EPHB6: variants seen among roughly 807,000 people sequenced by gnomAD.
EPHB6 encodes EPH receptor B6.
EPHB6 carries 51 observed loss-of-function variants against 107.0 expected under a neutral mutation model. That is an observed-to-expected ratio of 0.48 (90% CI 0.38 to 0.60). The LOEUF is 0.60. Ranked by LOEUF, EPHB6 falls within the 20% of genes least tolerant of loss-of-function variation. The probability of loss-of-function intolerance (pLI) is 0.00; values close to 1 mark genes in which losing one functional copy is unlikely to be tolerated. For synonymous variants in EPHB6, 553 were observed against 549.0 expected (o/e 1.01, Z -0.10); for missense variants, 1,141 against 1,355.5 (o/e 0.84, Z 2.48).
rs1794656516 is a variant in EPHB6 at position 142,867,370 on chromosome 7, C to G, written c.1751-238C>G. ...GGGCGTGTGTGTGTGTTGTGTGTCC[C>G]TGTGTGTGGATGTGGAGGGCTGTGG... On this transcript the variant is annotated intron_variant, in intron 11 of 19. Transcript: ENST00000652003. The surrounding 1 kb of genome is among the most constrained non-coding windows in gnomAD (Gnocchi z 5.3). 2.8e-5 allele frequency: 18 copies of G among 635,122 alleles called. No homozygotes were observed. The South Asian group carries it at 3.2e-4, about 11-fold the overall frequency. The allele number at this position is 635,122 out of a possible 1,614,324, so 39.3% of individuals were successfully genotyped here. A position where few individuals can be genotyped will look rare whatever the true frequency, so the allele number is the denominator to read the frequency against.
intron 6 of EPHB6, 94 bp downstream of exon 6, chr7:142,863,789 G>T: frequency 2.6e-6 from 4 of 1,515,940 alleles, no homozygotes; most frequent in Non-Finnish European, 3.7e-6. Context: ...CCTGGGTGAG[G>T]ATTATGGGAA....
rs2116447471 is a variant in EPHB6, at chr7:142,866,378, A to C, written c.1462+62A>C. ...TCCGCTCCTTTGAGCCCCCTTCCCT[A>C]CTCCTGATCTCCAGCCTGGTCCACC... On this transcript the variant is annotated intron_variant, in intron 9 of 19. Transcript: ENST00000652003. The surrounding 1 kb of genome is among the most constrained non-coding windows in gnomAD (Gnocchi z 5.2). The C allele has an allele frequency of 6.2e-7, 1 of 1,609,506 alleles. No homozygotes were observed.
chr7:142,861,279 A>G (rs896540206), intron 2 of EPHB6, 93 bp downstream of exon 2: 3 of 152,232 alleles, frequency 2.0e-5, no homozygotes, highest in Admixed American at 6.5e-5. Flanking sequence ...CTTACTACAT[A>G]GTTCTGAGAA....
rs2116418143 is a variant in EPHB6 at position 142,864,217 on chromosome 7, C to T, written c.417C>T (p.Asp139=). 1.9e-6 allele frequency: 3 copies of T among 1,613,910 alleles called. No individual in the cohort carries two copies. The highest frequency in any genetic ancestry group is 2.5e-6 in the Non-Finnish European group (3 of 1,180,042). ...TLYYRQAEEP[D]SPDSVSSWHL... is the part of the protein sequence containing the mutation. ...ACTACCGTCAGGCTGAGGAGCCCGA[C>T]AGCCCTGACAGCGTTTCCTCCTGGC... Residue 139 remains aspartate, a synonymous_variant, in exon 7 of 20, where the codon GAC becomes GAT. Transcript: ENST00000652003.
chr7:142,868,213 G>A lies in EPHB6; in HGVS notation c.1919-28G>A, dbSNP rs778003006. On this transcript the variant is annotated intron_variant, in intron 13 of 19. Coordinates refer to ENST00000652003, the MANE Select transcript of EPHB6 (RefSeq NM_004445.6). The surrounding 1 kb of genome is among the most constrained non-coding windows in gnomAD (Gnocchi z 4.2). Reference sequence around the variant, plus strand: ...CGGGCAGCCCTGCCTTTCACAACACGCTCATAACATACTCCACACCCCTCC... The same window carrying A: ...CGGGCAGCCCTGCCTTTCACAACACACTCATAACATACTCCACACCCCTCC... 7 of 1,614,064 alleles carry A rather than the reference G, an allele frequency of 4.3e-6. No individual in the cohort carries two copies. Among genetic ancestry groups the A allele is most frequent in the South Asian group, 2.2e-5 (2 of 91,076 alleles).
rs1794835972 is a variant in EPHB6, at chr7:142,870,234, G to C, written c.2631G>C (p.Gln877His). Residue 877 changes from glutamine to histidine, a missense_variant, in exon 18 of 20, where the codon CAG (glutamine) becomes CAC (histidine). Physicochemically the swap from Gln to His is conservative, Grantham distance 24 (BLOSUM62 0). Transcript: ENST00000652003. ...SEQEVLNAIE[Q>H]EFRLPPPPGC... ...CCCAGGTACTAAATGCAATAGAGCAGGAGTTCCGGCTGCCCCCGCCTCCAG... is the reference window on the plus strand; with the variant it reads ...CCCAGGTACTAAATGCAATAGAGCACGAGTTCCGGCTGCCCCCGCCTCCAG... The C allele has an allele frequency of 1.9e-6, 3 of 1,614,206 alleles. No homozygotes were observed. The highest frequency in any genetic ancestry group is 2.5e-6 in the Non-Finnish European group (3 of 1,180,050).
chr7:142,858,095 T>C (rs1193867881), intron 1 of EPHB6, among the ~76,000 whole-genome samples: 1 of 152,218 alleles, frequency 6.6e-6, no homozygotes, highest in Non-Finnish European at 1.5e-5. Flanking sequence ...TTTACGTTAA[T>C]TATAAAAATA....
In EPHB6 at chr7:142,866,345, C is replaced by A. The variant is rs755496941; in HGVS notation, c.1462+29C>A. 1.2e-6 allele frequency: 2 copies of A among 1,612,818 alleles called. No individual in the cohort carries two copies. ...AGCTCTTTTCCTTGGCCTTCAGGAT[C>A]CCCTGCCTCCGCTCCTTTGAGCCCC... On this transcript the variant is annotated intron_variant, in intron 9 of 19. Transcript: ENST00000652003. The surrounding 1 kb of genome is among the most constrained non-coding windows in gnomAD (Gnocchi z 5.2).
rs998829141 is a variant in EPHB6 at position 142,857,614 on chromosome 7, G to A, written c.-432+2229G>A. Reference sequence around the variant, plus strand: ...CACACCAGACATAAAACCTCGAACCGCTTTGCCCTTGGGACTGTTCTGTCC... The same window carrying A: ...CACACCAGACATAAAACCTCGAACCACTTTGCCCTTGGGACTGTTCTGTCC... On this transcript the variant is annotated intron_variant, in intron 1 of 19. Transcript: ENST00000652003. Among the ~76,000 whole-genome samples the A allele has an allele frequency of 3.9e-5, 6 of 152,278 alleles. No homozygotes were observed. The South Asian group carries it at 8.3e-4, about 21-fold the overall frequency.
rs1371458887 is a variant in EPHB6, at chr7:142,867,592, T to A, written c.1751-16T>A. On this transcript the variant is annotated splice_polypyrimidine_tract_variant and intron_variant, in intron 11 of 19. Coordinates refer to ENST00000652003, the MANE Select transcript of EPHB6 (RefSeq NM_004445.6). The surrounding 1 kb of genome is among the most constrained non-coding windows in gnomAD (Gnocchi z 5.3). ...GAGACCTGGCCCACCTGTGACCCTG[T>A]CGGCTGGTCCCCCAGGGGAGCTGTC... 2 of 1,602,918 alleles carry A rather than the reference T, an allele frequency of 1.2e-6. No homozygotes were observed. The highest frequency in any genetic ancestry group is 2.7e-5 in the African/African-American group (2 of 74,772).
intron 1 of EPHB6, among the ~76,000 whole-genome samples, chr7:142,860,258 GA>G: frequency 6.6e-6 from 1 of 152,316 alleles, no homozygotes; most frequent in South Asian, 2.1e-4. Flanking sequence ...CTGAGTGAAA[GA>G]AAGAGACTAT....
At chr7:142,865,894 C>T in intron 8 of EPHB6, 66 bp from the exon 9 acceptor site, 1 of 1,537,488 alleles carries the variant, frequency 6.5e-7, no homozygotes, top group South Asian at 1.1e-5. Flanking sequence ...CTGGCTCCTT[C>T]CTTCCTCAAT....
rs1802817792 is a variant in EPHB6, at chr7:142,861,032, T to A, written c.-431-20T>A. Reference sequence around the variant, plus strand: ...TCTTTTGAGCAATCTGGGCAACATGTCTCTTTTTTTTCTTCACAGAAATAA... The same window carrying A: ...TCTTTTGAGCAATCTGGGCAACATGACTCTTTTTTTTCTTCACAGAAATAA... On this transcript the variant is annotated intron_variant, in intron 1 of 19. Transcript: ENST00000652003. 1 of 152,124 alleles carries A rather than the reference T, an allele frequency of 6.6e-6. No homozygotes were observed. Among genetic ancestry groups the A allele is most frequent in the Non-Finnish European group, 1.5e-5 (1 of 68,032 alleles). The allele number at this position is 152,124 out of a possible 1,614,324, so 9.4% of individuals were successfully genotyped here.
chr7:142,865,061 C>T lies in EPHB6; in HGVS notation c.949+312C>T, dbSNP rs564931519. Among the ~76,000 whole-genome samples the T allele has an allele frequency of 1.6e-4, 24 of 152,276 alleles. 1 individual carries two copies. The Middle Eastern group carries it at 0.014, about 87-fold the overall frequency. On this transcript the variant is annotated intron_variant, in intron 7 of 19. Coordinates refer to ENST00000652003, the MANE Select transcript of EPHB6 (RefSeq NM_004445.6). ...CTCCAGGGTTACTATGGAATAGAGT[C>T]CTTTGGTTCCCATTCGCCCTTCTGT...
rs1490947511 is a variant in EPHB6, at chr7:142,863,246, G to T, written c.19G>T (p.Ala7Ser). Residue 7 changes from alanine (A) to serine (S), a missense_variant, in exon 5 of 20, where the codon GCC becomes TCC. Physicochemically the swap from Ala to Ser is moderately conservative, Grantham distance 99 (BLOSUM62 1). Around this residue, in one of 3 missense-constraint regions of EPHB6, gnomAD observed 221 missense variants for 300.5 expected, o/e 0.74. Coordinates refer to ENST00000652003, the MANE Select transcript of EPHB6 (RefSeq NM_004445.6). ...ATGTCCCATGGCTACTGAAGGGGCT[G>T]CCCAGTTAGGGAACAGAGTGGCGGG... MATEGA[A>S]QLGNRVAGMV... 1.2e-6 allele frequency: 2 copies of T among 1,614,066 alleles called. No homozygotes were observed. The highest frequency in any genetic ancestry group is 1.7e-6 in the Non-Finnish European group (2 of 1,179,990).
At chr7:142,857,419 C>T (rs1802655013) in intron 1 of EPHB6, among the ~76,000 whole-genome samples, 1 of 152,316 alleles carries the variant, frequency 6.6e-6, no homozygotes, top group East Asian at 1.9e-4. Flanking sequence ...AAGAGATCTC[C>T]AAGGTGGAGA....
chr7:142,865,779 C>G (rs1000023271), intron 8 of EPHB6, 149 bp downstream of exon 8: 17 of 1,202,496 alleles, frequency 1.4e-5, no homozygotes, highest in South Asian at 2.7e-5. Flanking sequence ...GTCCCCACCC[C>G]CTTCTCTCCC....
At position 142,864,473 on chromosome 7, in the gene EPHB6, G is replaced by A. The variant is rs751382944; in HGVS notation, c.673G>A (p.Ala225Thr). The A allele has an allele frequency of 8.7e-6, 14 of 1,612,930 alleles. No homozygotes were observed. In the African/African-American group the frequency reaches 9.3e-5, roughly 11 times the overall value. Residue 225 changes from alanine (A) to threonine (T), a missense_variant, in exon 7 of 20, where the codon GCT (alanine) becomes ACT (threonine). Physicochemically the swap from Ala to Thr is moderately conservative, Grantham distance 58. This residue lies in a region of EPHB6 where 221 missense variants were observed against 300.5 expected (regional missense o/e 0.74). Transcript: ENST00000652003. ...QDTGACLALV[A>T]VRLFSYTCPA... ...CACGGGGGCCTGCCTGGCCCTGGTC[G>A]CTGTCAGGCTCTTCTCCTACACCTG...
At position 142,868,272 on chromosome 7, in the gene EPHB6, C is replaced by T. The variant is rs765773475; in HGVS notation, c.1950C>T (p.Ser650=). Reference sequence around the variant, plus strand: ...GGGTGAAGTATTACATCGACCCCTCCACCTACGAGGACCCCTGTCAGGCCA... The same window carrying T: ...GGGTGAAGTATTACATCGACCCCTCTACCTACGAGGACCCCTGTCAGGCCA... ...GLGVKYYIDP[S]TYEDPCQAIR... Residue 650 remains serine, a synonymous_variant, in exon 14 of 20, where the codon TCC becomes TCT. Transcript: ENST00000652003. The surrounding 1 kb of genome is among the most constrained non-coding windows in gnomAD (Gnocchi z 4.2). 32 of 1,614,076 alleles carry T rather than the reference C, an allele frequency of 2.0e-5. No homozygotes were observed. Among genetic ancestry groups the T allele is most frequent in the Non-Finnish European group, 2.5e-5 (30 of 1,180,036 alleles).
Sources: gnomAD v4.1 joint callset for allele counts (sites outside exome capture counted in the v4.1 genomes callset) on GRCh38, gnomAD v4.1.1 for gene constraint, gnomAD v4.1.1 regional missense constraint, Gnocchi (gnomAD v3.1) non-coding constraint, MANE v1.5 for transcripts, NCBI Gene and HGNC (gene_info 2026-07-23, HGNC 2026-07-21) for gene names.